CCDC122: variants seen among roughly 807,000 people sequenced by gnomAD.
The protein encoded by CCDC122 is coiled-coil domain containing 122, also known as coiled-coil domain-containing protein 122.
In CCDC122, 38 loss-of-function variants were observed where a neutral mutation model predicts 37.0. The ratio of observed to expected loss-of-function variants is 1.03; its 90% CI spans 0.79 to 1.35. The LOEUF (loss-of-function observed/expected upper bound fraction) is 1.35. Ranked by LOEUF, CCDC122 falls within the 40% of genes most tolerant of loss-of-function variation. The pLI is 0.00. For synonymous variants in CCDC122, 83 were observed against 95.6 expected (o/e 0.87, Z 0.77); for missense variants, 305 against 310.0 (o/e 0.98, Z 0.12).
chr13:43,871,706 G>C (rs1692361702), intron 2 of CCDC122, among the ~76,000 whole-genome samples: 1 of 151,970 alleles, frequency 6.6e-6, no homozygotes, highest in Non-Finnish European at 1.5e-5. Context: ...TTTACCTTTT[G>C]GCTTTAACTG....
intron 4 of CCDC122, among the ~76,000 whole-genome samples, chr13:43,863,774 G>C (rs780827776): frequency 2.0e-5 from 3 of 151,746 alleles, no homozygotes; most frequent in Non-Finnish European, 4.4e-5. Context: ...TTCTCTCCTA[G>C]TCTGTGACAA....
At position 43,859,652 on chromosome 13, in the gene CCDC122, T is replaced by C. The variant is rs201862604; in HGVS notation, c.555+20A>G. 423 of 1,449,272 alleles carry C rather than the reference T, an allele frequency of 2.9e-4. No individual in the cohort carries two copies. Among genetic ancestry groups the C allele is most frequent in the Non-Finnish European group, 3.8e-4 (415 of 1,100,342 alleles). The allele number at this position is 1,449,272 out of a possible 1,614,324, so 89.8% of individuals were successfully genotyped here. A position where few individuals can be genotyped will look rare whatever the true frequency, so the allele number is the denominator to read the frequency against. On this transcript the variant is annotated intron_variant, in intron 5 of 6. Transcript: ENST00000444614. ...AAAGGAGTAATAGAAAAAATAGTTT[T>C]ACTAAGTAATTTTGCACACCTGTAC...
downstream of CCDC122, among the ~76,000 whole-genome samples, chr13:43,823,236 C>A (rs534220704): frequency 6.6e-6 from 1 of 152,168 alleles, no homozygotes; most frequent in South Asian, 2.1e-4. Context: ...AAATGTAATC[C>A]ACTAGCTAGG....
chr13:43,870,633 A>C lies in CCDC122; in HGVS notation c.-113-1144T>G, dbSNP rs553791642. Reference sequence around the variant, plus strand: ...AATTATATAGTGTTTATTCTGTGCCAGATGGTGTTCTAAGAACTTTACAAA... The same window carrying C: ...AATTATATAGTGTTTATTCTGTGCCCGATGGTGTTCTAAGAACTTTACAAA... On this transcript the variant is annotated intron_variant, in intron 2 of 6. Coordinates refer to ENST00000444614, the MANE Select transcript of CCDC122 (RefSeq NM_144974.5). Among the ~76,000 whole-genome samples, 3 of 152,264 alleles carry C rather than the reference A, an allele frequency of 2.0e-5. No homozygotes were observed. The East Asian group carries it at 5.8e-4, about 29-fold the overall frequency.
downstream of CCDC122, among the ~76,000 whole-genome samples, chr13:43,820,797 T>G (rs1952987667): frequency 6.6e-6 from 1 of 152,234 alleles, no homozygotes; most frequent in Admixed American, 6.5e-5. Context: ...ATGAGAATAT[T>G]TGTGATCCAC....
At chr13:43,840,557 G>A (rs1447646500) in intron 6 of CCDC122, among the ~76,000 whole-genome samples, 1 of 151,732 alleles carries the variant, frequency 6.6e-6, no homozygotes, top group African/African-American at 2.4e-5. Context: ...AGGCCCCGGT[G>A]CGTGATGTGA....
intron 4 of CCDC122, among the ~76,000 whole-genome samples, chr13:43,866,178 T>C (rs1389768555): frequency 2.6e-5 from 4 of 152,238 alleles, no homozygotes; most frequent in Admixed American, 6.5e-5. Context: ...TTACAAATTG[T>C]TTATTTCTGT....
intron 6 of CCDC122, 116 bp downstream of exon 6, chr13:43,858,665 C>T: frequency 1.4e-6 from 1 of 700,824 alleles, no homozygotes; most frequent in Non-Finnish European, 2.0e-6. Flanking sequence ...TTTTATAGTT[C>T]TTTCTTGTTC....
At chr13:43,836,099 T>C (rs934020661), downstream of CCDC122, among the ~76,000 whole-genome samples, 1 of 152,252 alleles carries the variant, frequency 6.6e-6, no homozygotes, top group African/African-American at 2.4e-5. Context: ...TATTTTTTGA[T>C]GCTGTTTGAA....
chr13:43,820,779 T>C (rs1952987558), downstream of CCDC122, among the ~76,000 whole-genome samples: 1 of 152,238 alleles, frequency 6.6e-6, no homozygotes. Context: ...CAGTTTCTCA[T>C]CTCTAAAATG....
In CCDC122 at chr13:43,837,330, A is replaced by G. The variant is rs949652071; in HGVS notation, c.772T>C (p.Leu258=). The G allele has an allele frequency of 4.7e-5, 76 of 1,613,830 alleles. No homozygotes were observed. Among genetic ancestry groups the G allele is most frequent in the Non-Finnish European group, 6.4e-5 (75 of 1,179,954 alleles). ...RRQWQWNIQQ[L]EKTAAELRKC... is the part of the protein sequence containing the mutation. Reference sequence around the variant, plus strand: ...CTTAATTCGGCTGCAGTTTTTTCCAATTGTTGAATGTTCCATTGCCACTGT... The same window carrying G: ...CTTAATTCGGCTGCAGTTTTTTCCAGTTGTTGAATGTTCCATTGCCACTGT... Residue 258 remains leucine (L), a synonymous_variant, in exon 7 of 7, where the codon TTG becomes CTG. Coordinates refer to ENST00000444614, the MANE Select transcript of CCDC122 (RefSeq NM_144974.5).
Position 43,860,019 on chromosome 13 carries a change from T to C in CCDC122, c.208A>G (p.Lys70Glu), listed in dbSNP as rs759403756. 1.3e-6 allele frequency: 2 copies of C among 1,582,218 alleles called. No individual in the cohort carries two copies. The highest frequency in any genetic ancestry group is 1.2e-5 in the South Asian group (1 of 84,218). ...TGATAAATTTGTCTTTCTGTTTCTT[T>C]AGTTTCTGCAGAGATAGCTGCTATT... ...KEIAAISAET[K>E]ETERQIYQQD... The change falls in exon 5 of 7, where the codon AAA becomes GAA. Residue 70 changes from lysine (K) to glutamate (E), a missense_variant. By Grantham distance (56) the Lys-to-Glu change is moderately conservative (BLOSUM62 1). Coordinates refer to ENST00000444614, the MANE Select transcript of CCDC122 (RefSeq NM_144974.5).
chr13:43,839,050 G>A (rs999780413), intron 6 of CCDC122, among the ~76,000 whole-genome samples: 1 of 152,166 alleles, frequency 6.6e-6, no homozygotes, highest in Non-Finnish European at 1.5e-5. Flanking sequence ...ATATCTTGTG[G>A]TCAGCAAGGA....
chr13:43,841,462 T>C (rs74070222), intron 6 of CCDC122, among the ~76,000 whole-genome samples: 2,305 of 152,250 alleles, frequency 0.015, 59 homozygotes, highest in African/African-American at 0.053. Context: ...TAGTATCTCA[T>C]TGTGGTTTTG....
chr13:43,873,384 CACCATTAA>C (rs1954506318), intron 2 of CCDC122, among the ~76,000 whole-genome samples: 1 of 152,082 alleles, frequency 6.6e-6, no homozygotes, highest in Non-Finnish European at 1.5e-5. Context: ...ACTCTATTAC[CACCATTAA>C]ACCTGCACCT....
chr13:43,864,330 T>C (rs1015875587), intron 4 of CCDC122, among the ~76,000 whole-genome samples: 6 of 152,212 alleles, frequency 3.9e-5, no homozygotes, highest in African/African-American at 1.4e-4. Context: ...AACTCTTGTG[T>C]ATTAGTCCAT....
chr13:43,858,256 A>C (rs560969226), intron 6 of CCDC122: 1 of 152,364 alleles, frequency 6.6e-6, no homozygotes, highest in South Asian at 2.1e-4. Flanking sequence ...CATCCAAACA[A>C]TAATGACAAT....
intron 4 of CCDC122, among the ~76,000 whole-genome samples, chr13:43,861,800 A>G (rs971980437): frequency 1.3e-5 from 2 of 152,152 alleles, no homozygotes; most frequent in African/African-American, 2.4e-5. Flanking sequence ...ACATATTCAG[A>G]AAAAAAGTTT....
At chr13:43,853,652 C>T (rs528715814) in intron 6 of CCDC122, among the ~76,000 whole-genome samples, 16 of 152,290 alleles carry the variant, frequency 1.1e-4, no homozygotes, top group African/African-American at 2.9e-4. Flanking sequence ...TGACAGACAT[C>T]GACAGAACTC....
Sources: gnomAD v4.1 joint callset for allele counts (sites outside exome capture counted in the v4.1 genomes callset) on GRCh38, gnomAD v4.1.1 for gene constraint, MANE v1.5 for transcripts, NCBI Gene and HGNC (gene_info 2026-07-23, HGNC 2026-07-21) for gene names.